Variants in DRICH1 observed in about 807,000 individuals in gnomAD.
The protein encoded by DRICH1 is aspartate rich 1.
A neutral mutation model predicts 39.5 loss-of-function variants in DRICH1; 38 were observed. The ratio of observed to expected loss-of-function variants is 0.96; its 90% CI spans 0.74 to 1.26. The LOEUF (loss-of-function observed/expected upper bound fraction) is 1.26. Among genes scored for constraint, DRICH1 ranks in the 50% most tolerant of loss-of-function variants. DRICH1 has a pLI of 0.00. For synonymous variants in DRICH1, 84 were observed against 99.5 expected (o/e 0.84, Z 0.93); for missense variants, 279 against 270.4 (o/e 1.03, Z -0.22).
chr22:23,594,278 A>AAC, the DRICH1 span, among the ~76,000 whole-genome samples: 1 of 152,148 alleles, frequency 6.6e-6, no homozygotes, highest in East Asian at 1.9e-4. Flanking sequence ...ACAACAACAA[A>AAC]AAAAAGTTGG....
intron 4 of DRICH1, among the ~76,000 whole-genome samples, chr22:23,621,296 C>T (rs182215562): frequency 7.4e-4 from 112 of 152,058 alleles, no homozygotes; most frequent in African/African-American, 2.4e-3. Flanking sequence ...CAAAATAGCT[C>T]GCTTTGTCTG....
In DRICH1 at chr22:23,618,113, C is replaced by CTTTTTTT. The variant is rs368348650; in HGVS notation, c.437-463_437-457dup. 5.0e-3 allele frequency among the ~76,000 whole-genome samples: 633 copies of CTTTTTTT among 127,252 alleles called. 8 individuals carry two copies. Among genetic ancestry groups the CTTTTTTT allele is most frequent in the African/African-American group, 0.016 (575 of 35,234 alleles). 83.5% of individuals were successfully genotyped at this position (127,252 alleles called of 152,430 possible). A position where few individuals can be genotyped will look rare whatever the true frequency, so the allele number is the denominator to read the frequency against. On this transcript the variant is annotated intron_variant, in intron 6 of 11. Transcript: ENST00000317749. ...TACTCTATTCTATTGATCACACATTCTTTTTTTTTTTTTTTTTTGAGACAG... is the reference window on the plus strand; with the variant it reads ...TACTCTATTCTATTGATCACACATTCTTTTTTTTTTTTTTTTTTTTTTTTTGAGACAG...
At chr22:23,617,725 G>C in intron 6 of DRICH1, 68 bp from the exon 7 acceptor site, 1 of 1,471,528 alleles carries the variant, frequency 6.8e-7, no homozygotes, top group Non-Finnish European at 9.5e-7. Context: ...AGGGAGCTTT[G>C]CTGGATGTGG....
the DRICH1 span, among the ~76,000 whole-genome samples, chr22:23,597,015 G>T: frequency 4.4e-3 from 655 of 148,892 alleles, no homozygotes; most frequent in African/African-American, 0.016. Context: ...CCTATACTTG[G>T]GGGCTCTGTG....
the DRICH1 span, among the ~76,000 whole-genome samples, chr22:23,595,513 G>C: frequency 6.6e-6 from 1 of 152,160 alleles, no homozygotes; most frequent in African/African-American, 2.4e-5. Context: ...TGAGGTCTAA[G>C]TGATGGGAAA....
chr22:23,604,662 C>T (rs1304789182), downstream of DRICH1, among the ~76,000 whole-genome samples: 1 of 152,192 alleles, frequency 6.6e-6, no homozygotes, highest in Non-Finnish European at 1.5e-5. Context: ...GAAGCCCTCA[C>T]CACGGCCACT....
rs117389339 is a variant in DRICH1 at position 23,625,720 on chromosome 22, G to A, written c.276+261C>T. 8.0e-3 allele frequency among the ~76,000 whole-genome samples: 1,225 copies of A among 152,184 alleles called. 27 individuals are homozygous for A. Among genetic ancestry groups the A allele is most frequent in the East Asian group, 0.079 (409 of 5,182 alleles). ...CTAAAGCCCCTACCCAACAATCGAT[G>A]TGTGACACCCGGGAAGATTGTGACC... On this transcript the variant is annotated intron_variant, in intron 2 of 11. Coordinates refer to ENST00000317749, the MANE Select transcript of DRICH1 (RefSeq NM_016449.4).
At chr22:23,616,778 A>G in intron 8 of DRICH1, 75 bp downstream of exon 8, 4 of 1,573,998 alleles carry the variant, frequency 2.5e-6, no homozygotes, top group Non-Finnish European at 3.5e-6. Flanking sequence ...TTTAACAGGA[A>G]CCCAGATTAA....
At chr22:23,594,515 A>G in the DRICH1 span, among the ~76,000 whole-genome samples, 2 of 152,246 alleles carry the variant, frequency 1.3e-5, no homozygotes, top group African/African-American at 4.8e-5. Flanking sequence ...GATAGCAGTA[A>G]GCCAAGATCG....
At chr22:23,603,114 T>A in the DRICH1 span, among the ~76,000 whole-genome samples, 3 of 151,630 alleles carry the variant, frequency 2.0e-5, no homozygotes, top group African/African-American at 7.3e-5. Flanking sequence ...CAAGCGATTC[T>A]CCTACCTCAG....
chr22:23,601,146 GCACACA>G, the DRICH1 span, among the ~76,000 whole-genome samples: 110 of 146,214 alleles, frequency 7.5e-4, 2 homozygotes, highest in South Asian at 0.018. Flanking sequence ...ACGCACGCGC[GCACACA>G]CACACACACA....
At chr22:23,591,772 C>T in the DRICH1 span, among the ~76,000 whole-genome samples, 19 of 152,232 alleles carry the variant, frequency 1.2e-4, no homozygotes, top group African/African-American at 4.1e-4. Context: ...GGCGTTAAGG[C>T]GACATGAAAA....
intron 11 of DRICH1, among the ~76,000 whole-genome samples, chr22:23,610,149 T>C (rs979367041): frequency 6.6e-6 from 1 of 152,176 alleles, no homozygotes; most frequent in Admixed American, 6.5e-5. Context: ...TCCATGTGGC[T>C]GAGCCCAACC....
chr22:23,616,898 C>T (rs1462307330), intron 7 of DRICH1, 24 bp from the exon 8 acceptor site: 4 of 1,613,590 alleles, frequency 2.5e-6, no homozygotes, highest in East Asian at 4.5e-5. Context: ...AAAGAAGATG[C>T]TGTAAGGATC....
chr22:23,600,507 T>A, the DRICH1 span, among the ~76,000 whole-genome samples: 1 of 152,258 alleles, frequency 6.6e-6, no homozygotes, highest in East Asian at 1.9e-4. Flanking sequence ...ACTGTGATCT[T>A]GAGACCCTGT....
chr22:23,601,351 A>C, the DRICH1 span, among the ~76,000 whole-genome samples: 1 of 152,226 alleles, frequency 6.6e-6, no homozygotes, highest in Non-Finnish European at 1.5e-5. Flanking sequence ...AGAAGGTTAC[A>C]TACTTAGACT....
At chr22:23,600,908 G>A in the DRICH1 span, among the ~76,000 whole-genome samples, 34 of 152,006 alleles carry the variant, frequency 2.2e-4, no homozygotes, top group Admixed American at 2.6e-4. Context: ...TCCTGACCTC[G>A]TGATCGACCC....
the DRICH1 span, among the ~76,000 whole-genome samples, chr22:23,599,560 C>A: frequency 1.3e-5 from 2 of 152,208 alleles, no homozygotes; most frequent in African/African-American, 4.8e-5. Flanking sequence ...CAGACAGGTT[C>A]TAGGGTCTCT....
At position 23,619,165 on chromosome 22, in the gene DRICH1, C is replaced by T. The variant is rs1418731611; in HGVS notation, c.436+199G>A. On this transcript the variant is annotated intron_variant, in intron 6 of 11. Transcript: ENST00000317749. ...CCAGTATGGTGACAAGAGTGAGACT[C>T]CGTCTCAAAAAAAAAAAAAAAAAAG... is the stretch of plus-strand genomic sequence containing the variant. 2.9e-5 allele frequency among the ~76,000 whole-genome samples: 4 copies of T among 138,342 alleles called. No homozygotes were observed. In the East Asian group the frequency reaches 8.4e-4, roughly 29 times the overall value. 90.8% of individuals were successfully genotyped at this position (138,342 alleles called of 152,430 possible).
Sources: allele counts gnomAD v4.1 joint callset (sites outside exome capture counted in the v4.1 genomes callset), GRCh38; gene constraint gnomAD v4.1.1; transcripts MANE v1.5; gene names NCBI Gene and HGNC (gene_info 2026-07-23, HGNC 2026-07-21).